Variants in CFAP36 observed in about 807,000 individuals in gnomAD.
CFAP36 encodes the protein cilia- and flagella-associated protein 36.
Under a neutral mutation model 50.5 loss-of-function variants are expected in CFAP36, and 37 were observed. The observed-to-expected ratio is 0.73, with a 90% CI of 0.56 to 0.96. CFAP36 has a LOEUF of 0.96. Among genes scored for constraint, CFAP36 ranks in the 50% least tolerant of loss-of-function variants. CFAP36 has a pLI of 0.00. For synonymous variants in CFAP36, 138 were observed against 128.2 expected, an observed-to-expected ratio of 1.08 and a Z score of -0.52; for missense variants, 407 against 396.2, an observed-to-expected ratio of 1.03 and a Z score of -0.23.
Position 55,522,139 on chromosome 2 carries a change from A to G in CFAP36, c.153A>G (p.Thr51=). Residue 51 remains threonine (T), a synonymous_variant, in exon 2 of 10, where the codon ACA becomes ACG. Coordinates refer to ENST00000349456, the MANE Select transcript of CFAP36 (RefSeq NM_080667.7). ...DDEEESKLTY[T]EIHQEYKELV... ...AAGAAGAAAGCAAATTGACCTATAC[A>G]GAGATTCATCAGGAATACAAAGAAC... 1.3e-6 allele frequency: 2 copies of G among 1,543,382 alleles called. No homozygotes were observed. Among genetic ancestry groups the G allele is most frequent in the Non-Finnish European group, 1.8e-6 (2 of 1,129,172 alleles).
At chr2:55,526,111 C>T (rs185288917) in intron 3 of CFAP36, among the ~76,000 whole-genome samples, 2 of 152,324 alleles carry the variant, frequency 1.3e-5, no homozygotes, top group South Asian at 2.1e-4. Flanking sequence ...TAAAGTCAGA[C>T]CAGAATTCAA....
intron 7 of CFAP36, among the ~76,000 whole-genome samples, chr2:55,540,777 A>G (rs748798115): frequency 6.6e-6 from 1 of 152,046 alleles, no homozygotes; most frequent in Non-Finnish European, 1.5e-5. Flanking sequence ...TTGGGAGGCC[A>G]AGGCGGGAAA....
At chr2:55,526,188 A>G (rs543268588) in intron 3 of CFAP36, among the ~76,000 whole-genome samples, 1 of 152,358 alleles carries the variant, frequency 6.6e-6, no homozygotes, top group African/African-American at 2.4e-5. Flanking sequence ...AGTTTCCTAC[A>G]AGTCTATTTG....
intron 2 of CFAP36, among the ~76,000 whole-genome samples, chr2:55,522,434 C>T (rs778405681): frequency 2.6e-5 from 4 of 152,068 alleles, no homozygotes; most frequent in Non-Finnish European, 5.9e-5. Context: ...ATTTTGTTGA[C>T]GCATCCAGGG....
At chr2:55,542,031 C>G (rs1353464422) in intron 7 of CFAP36, among the ~76,000 whole-genome samples, 1 of 152,122 alleles carries the variant, frequency 6.6e-6, no homozygotes, top group Non-Finnish European at 1.5e-5. Context: ...ATATATGCTA[C>G]AGATTGTAAG....
intron 4 of CFAP36, among the ~76,000 whole-genome samples, chr2:55,529,322 T>G (rs944469345): frequency 1.3e-5 from 2 of 151,470 alleles, no homozygotes; most frequent in Non-Finnish European, 2.9e-5. Context: ...CTTGGGAGGC[T>G]GAGGCAGGAG....
At chr2:55,529,713 C>A (rs1378333644) in intron 4 of CFAP36, among the ~76,000 whole-genome samples, 1 of 139,474 alleles carries the variant, frequency 7.2e-6, no homozygotes, top group Non-Finnish European at 1.5e-5. Context: ...GTGGCATGAT[C>A]TCGGCTTACT....
intron 7 of CFAP36, chr2:55,538,896 A>G (rs1338443410): frequency 2.0e-6 from 3 of 1,474,240 alleles, no homozygotes; most frequent in Non-Finnish European, 2.7e-6. Flanking sequence ...TATAATTGAG[A>G]TTAGTGTGAT....
In CFAP36 at chr2:55,523,365, A is replaced by G. The variant is rs542849186; in HGVS notation, c.181-356A>G. Reference sequence around the variant, plus strand: ...GGGAGGCAGAGGTTGCAGTGAGCCGAGATCGTACCACTGCACTCCAGCCTG... The same window carrying G: ...GGGAGGCAGAGGTTGCAGTGAGCCGGGATCGTACCACTGCACTCCAGCCTG... On this transcript the variant is annotated intron_variant, in intron 2 of 9. Coordinates refer to ENST00000349456, the MANE Select transcript of CFAP36 (RefSeq NM_080667.7). 4.6e-5 allele frequency among the ~76,000 whole-genome samples: 7 copies of G among 152,104 alleles called. No individual in the cohort carries two copies. In the South Asian group the frequency reaches 1.5e-3, roughly 32 times the overall value.
At chr2:55,536,614 C>T (rs1574622967) in intron 6 of CFAP36, among the ~76,000 whole-genome samples, 1 of 151,904 alleles carries the variant, frequency 6.6e-6, no homozygotes, top group Non-Finnish European at 1.5e-5. Flanking sequence ...CCACGCCCAG[C>T]TAATTTTTTG....
At chr2:55,536,119 A>G (rs973846341) in intron 6 of CFAP36, among the ~76,000 whole-genome samples, 2 of 151,876 alleles carry the variant, frequency 1.3e-5, no homozygotes, top group African/African-American at 4.8e-5. Flanking sequence ...TTGTCCTGGT[A>G]ACTCACAGAA....
intron 2 of CFAP36, 72 bp from the exon 3 acceptor site, chr2:55,523,648 TA>T: frequency 2.1e-6 from 2 of 944,536 alleles, no homozygotes; most frequent in Non-Finnish European, 3.1e-6. Flanking sequence ...TTTTCTAAAC[TA>T]AATACTTAAT....
intron 7 of CFAP36, chr2:55,538,853 A>G: frequency 6.6e-7 from 1 of 1,523,886 alleles, no homozygotes; most frequent in Non-Finnish European, 8.8e-7. Context: ...GACACTAAAT[A>G]TATTCTTCTA....
chr2:55,521,635 CT>C lies in CFAP36; in HGVS notation c.116-455del, dbSNP rs928512816. Among the ~76,000 whole-genome samples the C allele has an allele frequency of 8.0e-4, 97 of 121,562 alleles. 1 individual carries two copies. The highest frequency in any genetic ancestry group is 9.1e-4 in the Non-Finnish European group (51 of 56,244). The allele number at this position is 121,562 out of a possible 152,430, so 79.7% of individuals were successfully genotyped here. ...TGTGTGTGTGTGTATATTTTTTTTT[CT>C]TTTTTTTTTTTGAGATGGAGTCTCA... is the stretch of plus-strand genomic sequence containing the variant. On this transcript the variant is annotated intron_variant, in intron 1 of 9. Transcript: ENST00000349456.
intron 2 of CFAP36, among the ~76,000 whole-genome samples, chr2:55,523,308 A>C (rs1684121663): frequency 6.6e-6 from 1 of 151,432 alleles, no homozygotes. Context: ...CCAGCTACTC[A>C]GGAAGCTGAG....
At chr2:55,525,240 C>T (rs983849336) in intron 3 of CFAP36, among the ~76,000 whole-genome samples, 2 of 152,008 alleles carry the variant, frequency 1.3e-5, no homozygotes, top group African/African-American at 4.8e-5. Flanking sequence ...TTGCTTGAAG[C>T]CAGGGGTTCG....
intron 1 of CFAP36, chr2:55,520,403 A>G: frequency 1.9e-6 from 3 of 1,539,830 alleles, no homozygotes; most frequent in Non-Finnish European, 8.8e-7. Context: ...CCAAACCAAC[A>G]GTTAACTGCA....
intron 4 of CFAP36, among the ~76,000 whole-genome samples, chr2:55,533,409 G>T (rs1558911423): frequency 1.3e-5 from 2 of 152,074 alleles, no homozygotes; most frequent in African/African-American, 4.8e-5. Context: ...CTTAAAAGAT[G>T]ATAGTTAAAA....
chr2:55,528,802 A>C (rs1230446623), intron 3 of CFAP36, 76 bp from the exon 4 acceptor site: 4 of 774,686 alleles, frequency 5.2e-6, no homozygotes, highest in Non-Finnish European at 8.6e-6. Flanking sequence ...ACTGTTTTGC[A>C]GTAGAAATGG....
Sources: allele counts gnomAD v4.1 joint callset (sites outside exome capture counted in the v4.1 genomes callset), GRCh38; gene constraint gnomAD v4.1.1; transcripts MANE v1.5; gene names NCBI Gene and HGNC (gene_info 2026-07-23, HGNC 2026-07-21).